Variants in NKIRAS1 observed in about 807,000 individuals in gnomAD.
NKIRAS1 encodes NF-kappa-B inhibitor-interacting Ras-like protein 1.
In NKIRAS1, 16 loss-of-function variants were observed where a neutral mutation model predicts 19.8. That is an observed-to-expected ratio of 0.81 (90% CI 0.55 to 1.23). NKIRAS1 has a LOEUF of 1.23. NKIRAS1 is among the 50% of genes most tolerant of loss of function. The probability of loss-of-function intolerance (pLI) is 0.00; values close to 1 mark genes in which losing one functional copy is unlikely to be tolerated. For missense variants in NKIRAS1, 184 were observed against 220.0 expected (o/e 0.84, Z 1.04); for synonymous variants, 88 against 79.0 (o/e 1.11, Z -0.61).
At chr3:23,946,406 C>T in exon 1 of NKIRAS1, 2 of 575,014 alleles carry the variant, frequency 3.5e-6, no homozygotes, top group Non-Finnish European at 4.4e-6. Context: ...GGGGCTTTCC[C>T]GAAGGGATAC....
upstream of NKIRAS1, chr3:23,918,427 T>G: frequency 3.7e-6 from 6 of 1,610,612 alleles, no homozygotes; most frequent in Non-Finnish European, 5.1e-6. Context: ...ATTTCGTGTG[T>G]GTTTGTGTGT....
chr3:23,916,251 T>G (rs1445353469), intron 1 of NKIRAS1: 1 of 152,058 alleles, frequency 6.6e-6, no homozygotes, highest in Admixed American at 6.6e-5. Context: ...TGACTTAAAT[T>G]AAAGCCAAGT....
chr3:23,919,271 T>G, upstream of NKIRAS1: 1 of 1,611,782 alleles, frequency 6.2e-7, no homozygotes, highest in Non-Finnish European at 8.5e-7. Context: ...CACATACAAA[T>G]TTTTTGAGGT....
chr3:23,908,422 T>C (rs1185288060), intron 3 of NKIRAS1, among the ~76,000 whole-genome samples: 2 of 152,198 alleles, frequency 1.3e-5, no homozygotes, highest in African/African-American at 4.8e-5. Context: ...TCCAACTACA[T>C]ATCTGTGTGC....
chr3:23,939,607 G>C (rs1245626980), intron 1 of NKIRAS1, among the ~76,000 whole-genome samples: 1 of 152,180 alleles, frequency 6.6e-6, no homozygotes, highest in Non-Finnish European at 1.5e-5. Context: ...TGGGCATGGT[G>C]GCATGTGCCT....
In NKIRAS1 at chr3:23,931,905, G is replaced by T. The variant is rs1424383655; in HGVS notation, c.-140+14418C>A. Among the ~76,000 whole-genome samples, 6 of 152,290 alleles carry T rather than the reference G, an allele frequency of 3.9e-5. No individual in the cohort carries two copies. The East Asian group carries it at 9.7e-4, about 25-fold the overall frequency. ...TCTATGGGCACTGGGCAGAGACAGG[G>T]TGTTTTATCAAGTCTTTGTCTGGAG... is the stretch of plus-strand genomic sequence containing the variant. On this transcript the variant is annotated intron_variant, in intron 1 of 4. Transcript: ENST00000421515.
chr3:23,933,081 G>C (rs1156238860), intron 1 of NKIRAS1, among the ~76,000 whole-genome samples: 1 of 152,194 alleles, frequency 6.6e-6, no homozygotes, highest in Non-Finnish European at 1.5e-5. Context: ...GAACATGAGA[G>C]CCAGAGATCG....
chr3:23,933,734 A>T (rs1393742785), intron 1 of NKIRAS1, among the ~76,000 whole-genome samples: 1 of 151,970 alleles, frequency 6.6e-6, no homozygotes, highest in African/African-American at 2.4e-5. Flanking sequence ...TTTTTGAGGG[A>T]TGTCTTAGTC....
chr3:23,928,337 T>G (rs1705246106), intron 1 of NKIRAS1, among the ~76,000 whole-genome samples: 1 of 137,864 alleles, frequency 7.3e-6, no homozygotes, highest in Non-Finnish European at 1.6e-5. Context: ...TAAATAAATG[T>G]TATCATTTGA....
intron 1 of NKIRAS1, among the ~76,000 whole-genome samples, chr3:23,934,390 C>T (rs1006567680): frequency 3.9e-5 from 6 of 152,074 alleles, no homozygotes; most frequent in South Asian, 2.1e-4. Context: ...CAGCTGTGGG[C>T]GATGCTGTCA....
upstream of NKIRAS1, chr3:23,917,724 G>T: frequency 1.0e-6 from 1 of 963,044 alleles, no homozygotes; most frequent in Non-Finnish European, 1.5e-6. Flanking sequence ...GTCCCCGGCA[G>T]TTGGTGCAGA....
At chr3:23,923,103 C>G (rs762116767) in intron 1 of NKIRAS1, 1 of 152,034 alleles carries the variant, frequency 6.6e-6, no homozygotes, top group South Asian at 2.1e-4. Context: ...GGTGCCTGGC[C>G]TACATATGTA....
intron 1 of NKIRAS1, chr3:23,945,301 C>T (rs1007034217): frequency 1.3e-5 from 2 of 156,246 alleles, no homozygotes; most frequent in Non-Finnish European, 2.8e-5. Flanking sequence ...CCGCCCTCGC[C>T]GCCGCGGTGC....
At chr3:23,918,000 A>G (rs1704755332), upstream of NKIRAS1, 1 of 1,610,864 alleles carries the variant, frequency 6.2e-7, no homozygotes, top group African/African-American at 1.3e-5. Flanking sequence ...GGCCTGATAA[A>G]GCGCGCCGAC....
upstream of NKIRAS1, chr3:23,921,841 C>G: frequency 1.9e-6 from 1 of 540,008 alleles, no homozygotes; most frequent in Non-Finnish European, 3.3e-6. Context: ...TCCCAAAGTG[C>G]TGGGATTACA....
In NKIRAS1 at chr3:23,902,186, T is replaced by A. The variant is rs966489163; in HGVS notation, c.95-1137A>T. ...AATCATACTATGTTATAGTTTTTTT[T>A]AAACTAGTTACAGTTTTCCTAAACA... is the stretch of plus-strand genomic sequence containing the variant. On this transcript the variant is annotated intron_variant, in intron 3 of 4. Coordinates refer to ENST00000425478, the MANE Select transcript of NKIRAS1 (RefSeq NM_020345.4). Among the ~76,000 whole-genome samples, 6 of 152,348 alleles carry A rather than the reference T, an allele frequency of 3.9e-5. No homozygotes were observed. In the South Asian group the frequency reaches 8.3e-4, roughly 21 times the overall value.
At chr3:23,900,460 C>T (rs1303612078) in intron 4 of NKIRAS1, among the ~76,000 whole-genome samples, 1 of 151,934 alleles carries the variant, frequency 6.6e-6, no homozygotes, top group South Asian at 2.1e-4. Flanking sequence ...CGCGGTAATA[C>T]CCTGTCTCCA....
chr3:23,890,846 C>A lies in NKIRAS1; in HGVS notation c.*2249G>T. 2.8e-6 allele frequency: 1 copy of A among 359,236 alleles called. No homozygotes were observed. The highest frequency in any genetic ancestry group is 7.3e-4 in the Middle Eastern group (1 of 1,366). The allele number at this position is 359,236 out of a possible 1,614,324, so 22.3% of individuals were successfully genotyped here. A position where few individuals can be genotyped will look rare whatever the true frequency, so the allele number is the denominator to read the frequency against. On this transcript the variant is annotated 3_prime_UTR_variant, in exon 5 of 5. Coordinates refer to ENST00000425478, the MANE Select transcript of NKIRAS1 (RefSeq NM_020345.4). ...CTGCAATATTAGCTGAAATGTAGTA[C>A]AGAAAAGAATGTACATTTAGACATT...
At chr3:23,942,113 G>A (rs1198831443) in intron 1 of NKIRAS1, among the ~76,000 whole-genome samples, 1 of 152,054 alleles carries the variant, frequency 6.6e-6, no homozygotes, top group Non-Finnish European at 1.5e-5. Context: ...CTAGTGGCTA[G>A]GATTACAGGT....
Sources: allele counts gnomAD v4.1 joint callset (sites outside exome capture counted in the v4.1 genomes callset), GRCh38; gene constraint gnomAD v4.1.1; transcripts MANE v1.5; gene names NCBI Gene and HGNC (gene_info 2026-07-23, HGNC 2026-07-21).